COG4: variants seen among roughly 807,000 people sequenced by gnomAD.
The protein encoded by COG4 is conserved oligomeric Golgi complex subunit 4.
Under a neutral mutation model 95.1 loss-of-function variants are expected in COG4, and 65 were observed. The ratio of observed to expected loss-of-function variants is 0.68; its 90% confidence interval spans 0.56 to 0.84. The LOEUF is 0.84. COG4 is among the 40% of genes least tolerant of loss of function. The probability of loss-of-function intolerance (pLI) is 0.00; values close to 1 mark genes in which losing one functional copy is unlikely to be tolerated. For synonymous variants in COG4, 421 were observed against 374.8 expected (o/e 1.12, Z -1.42); for missense variants, 1,045 against 989.1 (o/e 1.06, Z -0.76).
chr16:70,487,181 C>A (rs553539345), intron 13 of COG4, among the ~76,000 whole-genome samples: 1 of 150,364 alleles, frequency 6.7e-6, no homozygotes, highest in African/African-American at 2.5e-5. Flanking sequence ...ATCCCAGCAA[C>A]TTAGGAAGCT....
chr16:70,508,531 A>C, intron 7 of COG4, 67 bp from the exon 8 acceptor site: 2 of 1,402,288 alleles, frequency 1.4e-6, no homozygotes, highest in Non-Finnish European at 1.0e-6. Context: ...CTTGCTGGTC[A>C]CTCCAAACTT....
intron 9 of COG4, 108 bp downstream of exon 9, chr16:70,500,850 G>T: frequency 2.2e-6 from 3 of 1,354,902 alleles, no homozygotes; most frequent in Non-Finnish European, 3.2e-6. Flanking sequence ...ACCACCAGGG[G>T]CTAATAAGTT....
Position 70,508,436 on chromosome 16 carries a change from C to G in COG4, c.1031G>C (p.Arg344Thr), listed in dbSNP as rs576383456. The stretch of plus-strand genomic sequence containing the variant: ...TTCGATTTTTTCTGTTGTAGAATTT[C>G]TCATCAGGTTGTTCTGAACATGCCG... ...QFRHVQNNLM[R>T]NSTTEKIEPR... Residue 344 changes from arginine to threonine, a missense_variant, in exon 8 of 19, where the codon AGA becomes ACA. Physicochemically the swap from Arg to Thr is moderately conservative, Grantham distance 71 (BLOSUM62 -1). Transcript: ENST00000323786. 1.9e-6 allele frequency: 3 copies of G among 1,614,148 alleles called. No individual in the cohort carries two copies. Among genetic ancestry groups the G allele is most frequent in the Admixed American group, 3.3e-5 (2 of 60,018 alleles).
chr16:70,502,174 C>T (rs1437873486), intron 8 of COG4, among the ~76,000 whole-genome samples: 2 of 144,262 alleles, frequency 1.4e-5, no homozygotes, highest in East Asian at 2.3e-4. Flanking sequence ...CCCAGCTACT[C>T]GGGAGGCCAA....
Position 70,480,767 on chromosome 16 carries a change from T to C in COG4, c.*243A>G. The C allele has an allele frequency of 1.8e-6, 1 of 552,994 alleles. No homozygotes were observed. Among genetic ancestry groups the C allele is most frequent in the Non-Finnish European group, 3.2e-6 (1 of 307,770 alleles). 34.3% of individuals were successfully genotyped at this position (552,994 alleles called of 1,614,324 possible). ...TGGGCTGCTCGCTGCCTGCCGTGGC[T>C]TTCCCACCTCATTAGGAGCCCGCTT... On this transcript the variant is annotated 3_prime_UTR_variant, in exon 19 of 19. Coordinates refer to ENST00000323786, the MANE Select transcript of COG4 (RefSeq NM_015386.3).
intron 8 of COG4, among the ~76,000 whole-genome samples, chr16:70,503,445 A>G (rs1423576512): frequency 6.6e-6 from 1 of 152,124 alleles, no homozygotes; most frequent in African/African-American, 2.4e-5. Context: ...GACTCTAATG[A>G]TCTCTCCATA....
chr16:70,497,263 GCA>G lies in COG4; in HGVS notation c.1437_1438del (p.Ala480HisfsTer12). 2 of 1,614,122 alleles carry G rather than the reference GCA, an allele frequency of 1.2e-6. No homozygotes were observed. Among genetic ancestry groups the G allele is most frequent in the Non-Finnish European group, 1.7e-6 (2 of 1,180,022 alleles). On this transcript the variant is annotated frameshift_variant, in exon 11 of 19. Transcript: ENST00000323786. LOFTEE classifies it high-confidence loss of function. ...CTCTGTGGTGGCGAGGTTGATCATG[GCA>G]CAGAGACAGTCAATGCTGGAGCTGG...
chr16:70,481,399 G>T lies in COG4; in HGVS notation c.2195C>A (p.Ala732Asp), dbSNP rs769274001. 1 of 1,613,252 alleles carries T rather than the reference G, an allele frequency of 6.2e-7. No homozygotes were observed. ...VTTWTIRDKF[A>D]RLSQMATILN... ...GATGGTGGCCATCTGGGAGAGCCGG[G>T]CAAACTTGTCTCGGATGGTCCAGGT... Residue 732 changes from alanine to aspartate, a missense_variant, in exon 18 of 19, where the codon GCC (alanine) becomes GAC (aspartate). Ala to Asp is a moderately radical substitution (Grantham distance 126, BLOSUM62 -2). Coordinates refer to ENST00000323786, the MANE Select transcript of COG4 (RefSeq NM_015386.3).
intron 9 of COG4, among the ~76,000 whole-genome samples, chr16:70,500,365 CTTTTTT>C (rs68141616): frequency 2.1e-5 from 2 of 96,170 alleles, no homozygotes; most frequent in African/African-American, 1.0e-4. Context: ...ATTATATACT[CTTTTTT>C]TTTTTTTTTT....
chr16:70,489,961 G>C (rs774583913), intron 13 of COG4, among the ~76,000 whole-genome samples: 3 of 152,114 alleles, frequency 2.0e-5, no homozygotes, highest in Non-Finnish European at 4.4e-5. Flanking sequence ...GGGATTACAG[G>C]TGTCTGCCAC....
chr16:70,493,384 T>C (rs750046663), intron 12 of COG4, among the ~76,000 whole-genome samples: 2 of 152,042 alleles, frequency 1.3e-5, no homozygotes, highest in African/African-American at 4.8e-5. Flanking sequence ...ACCTGAAGCA[T>C]AGCTAGTACA....
chr16:70,517,557 C>T, intron 3 of COG4, 69 bp downstream of exon 3: 2 of 916,828 alleles, frequency 2.2e-6, no homozygotes, highest in Admixed American at 2.1e-5. Flanking sequence ...CACTGTACTC[C>T]AGCCTAGGTG....
At chr16:70,494,924 T>C (rs766472388) in intron 12 of COG4, among the ~76,000 whole-genome samples, 2 of 152,058 alleles carry the variant, frequency 1.3e-5, no homozygotes, top group Non-Finnish European at 2.9e-5. Flanking sequence ...ACAGGGCAAA[T>C]ATTTTCTATG....
At chr16:70,505,694 T>G (rs2049550236) in intron 8 of COG4, among the ~76,000 whole-genome samples, 1 of 150,972 alleles carries the variant, frequency 6.6e-6, no homozygotes, top group South Asian at 2.1e-4. Flanking sequence ...CCGGGCGTGG[T>G]GGCAGACGCC....
chr16:70,497,498 G>T, intron 10 of COG4, 111 bp from the exon 11 acceptor site: 1 of 1,039,124 alleles, frequency 9.6e-7, no homozygotes, highest in Non-Finnish European at 1.5e-6. Flanking sequence ...CCTTGTCCAT[G>T]TTTCTCCCAA....
intron 1 of COG4, among the ~76,000 whole-genome samples, chr16:70,520,472 A>G (rs533404263): frequency 1.3e-5 from 2 of 151,328 alleles, no homozygotes; most frequent in African/African-American, 2.4e-5. Context: ...AACAAAAAAC[A>G]AAAAACAAAA....
At chr16:70,519,470 C>T (rs1301944569) in intron 2 of COG4, among the ~76,000 whole-genome samples, 179 bp downstream of exon 2, 1 of 152,176 alleles carries the variant, frequency 6.6e-6, no homozygotes, top group Non-Finnish European at 1.5e-5. Context: ...TACAACTGGT[C>T]CAAGGACTGT....
In COG4 at chr16:70,512,227, C is replaced by G. The variant is rs770027975; in HGVS notation, c.738+12G>C. ...CCACACAATTATCCTGCCAAGCAATCAGGGTCCATACCTGCTTGCAAAGGT... is the reference window on the plus strand; with the variant it reads ...CCACACAATTATCCTGCCAAGCAATGAGGGTCCATACCTGCTTGCAAAGGT... On this transcript the variant is annotated intron_variant, in intron 5 of 18. Coordinates refer to ENST00000323786, the MANE Select transcript of COG4 (RefSeq NM_015386.3). 5 of 1,613,654 alleles carry G rather than the reference C, an allele frequency of 3.1e-6. No individual in the cohort carries two copies. Among genetic ancestry groups the G allele is most frequent in the Non-Finnish European group, 4.2e-6 (5 of 1,179,642 alleles).
At chr16:70,516,631 T>C (rs2049829097) in intron 3 of COG4, among the ~76,000 whole-genome samples, 1 of 152,148 alleles carries the variant, frequency 6.6e-6, no homozygotes, top group African/African-American at 2.4e-5. Flanking sequence ...TCATAAGAGC[T>C]ACTGGTCTGA....
Sources: gnomAD v4.1 joint callset for allele counts (sites outside exome capture counted in the v4.1 genomes callset) on GRCh38, gnomAD v4.1.1 for gene constraint, MANE v1.5 for transcripts, NCBI Gene and HGNC (gene_info 2026-07-23, HGNC 2026-07-21) for gene names.